Variants in RAD54L observed in about 807,000 individuals in gnomAD.
RAD54L encodes the protein RAD54 like.
In RAD54L, 74 loss-of-function variants were observed where a neutral mutation model predicts 91.6. The ratio of observed to expected loss-of-function variants is 0.81; its 90% CI spans 0.67 to 0.98. RAD54L has a LOEUF of 0.98. RAD54L is among the 50% of genes least tolerant of loss of function. The pLI is 0.00. For missense variants in RAD54L, 887 were observed against 945.7 expected, an observed-to-expected ratio of 0.94 and a Z score of 0.81; for synonymous variants, 304 against 349.7, an observed-to-expected ratio of 0.87 and a Z score of 1.46.
chr1:46,250,644 T>C (rs1557697461), intron 3 of RAD54L, among the ~76,000 whole-genome samples: 1 of 152,158 alleles, frequency 6.6e-6, no homozygotes, highest in Non-Finnish European at 1.5e-5. Flanking sequence ...GAATACATAA[T>C]GGAGATTAGT....
At position 46,274,648 on chromosome 1, in the gene RAD54L, T is replaced by C; in HGVS notation, c.1800T>C (p.Asp600=). ...MFDPDWNPAN[D]EQAMARVWRD... ...ACCCTGACTGGAACCCAGCCAATGA[T>C]GAACAAGCCATGGCCCGGGTCTGGC... The change falls in exon 16 of 18, where the codon GAT becomes GAC. Residue 600 remains aspartate, a synonymous_variant. Coordinates refer to ENST00000371975, the MANE Select transcript of RAD54L (RefSeq NM_003579.4). 1 of 1,614,120 alleles carries C rather than the reference T, an allele frequency of 6.2e-7. No homozygotes were observed. The highest frequency in any genetic ancestry group is 8.5e-7 in the Non-Finnish European group (1 of 1,180,046).
At chr1:46,274,848 G>C in intron 16 of RAD54L, 131 bp downstream of exon 16, 1 of 1,072,958 alleles carries the variant, frequency 9.3e-7, no homozygotes, top group Admixed American at 1.9e-5. Context: ...CCAGAAGTGA[G>C]TCTTTTATTC....
At chr1:46,274,409 A>C (rs1569616588) in intron 15 of RAD54L, 129 bp from the exon 16 acceptor site, 1 of 1,309,074 alleles carries the variant, frequency 7.6e-7, no homozygotes, top group Non-Finnish European at 1.1e-6. Flanking sequence ...GCTGGTGAGC[A>C]GATAAACTGG....
chr1:46,251,524 A>G lies in RAD54L; in HGVS notation c.210+1405A>G, dbSNP rs1659798421. Among the ~76,000 whole-genome samples, 3 of 152,164 alleles carry G rather than the reference A, an allele frequency of 2.0e-5. No individual in the cohort carries two copies. In the South Asian group the frequency reaches 6.2e-4, roughly 32 times the overall value. Reference sequence around the variant, plus strand: ...TTATGATAGTTTTAGCATACATATAAAAATCACTAATACAGCCTTGGCAAC... The same window carrying G: ...TTATGATAGTTTTAGCATACATATAGAAATCACTAATACAGCCTTGGCAAC... On this transcript the variant is annotated intron_variant, in intron 3 of 17. Coordinates refer to ENST00000371975, the MANE Select transcript of RAD54L (RefSeq NM_003579.4).
rs561929784 is a variant in RAD54L, at chr1:46,277,085, G to A, written c.1870-732G>A. ...GCAGGGATTACAGGCGTGAGCCACC[G>A]TGCCTGTCCCCAAGGTTCTTTAATG... On this transcript the variant is annotated intron_variant, in intron 16 of 17. Coordinates refer to ENST00000371975, the MANE Select transcript of RAD54L (RefSeq NM_003579.4). Among the ~76,000 whole-genome samples, 5 of 152,258 alleles carry A rather than the reference G, an allele frequency of 3.3e-5. No individual in the cohort carries two copies. In the South Asian group the frequency reaches 8.3e-4, roughly 25 times the overall value.
intron 9 of RAD54L, 28 bp downstream of exon 9, chr1:46,267,637 C>G: frequency 6.3e-7 from 1 of 1,580,700 alleles, no homozygotes; most frequent in Non-Finnish European, 8.7e-7. Context: ...TTTGCCACAT[C>G]AGAGAGGAGC....
At chr1:46,251,207 G>A (rs570946342) in intron 3 of RAD54L, among the ~76,000 whole-genome samples, 1 of 148,522 alleles carries the variant, frequency 6.7e-6, no homozygotes, top group African/African-American at 2.5e-5. Flanking sequence ...AGCTACTTGG[G>A]AGGCTGAGGC....
At chr1:46,261,589 T>G (rs923818930) in intron 8 of RAD54L, among the ~76,000 whole-genome samples, 2 of 152,162 alleles carry the variant, frequency 1.3e-5, no homozygotes, top group Non-Finnish European at 2.9e-5. Context: ...CTTAGAACCC[T>G]GAGGAGAGTG....
At chr1:46,255,084 A>T (rs557561642) in intron 3 of RAD54L, among the ~76,000 whole-genome samples, 1 of 152,184 alleles carries the variant, frequency 6.6e-6, no homozygotes, top group Non-Finnish European at 1.5e-5. Flanking sequence ...GCCATTCGTG[A>T]TCTTGGCCAG....
intron 4 of RAD54L, among the ~76,000 whole-genome samples, chr1:46,259,268 A>G (rs1365768751): frequency 1.3e-5 from 2 of 150,560 alleles, no homozygotes; most frequent in Non-Finnish European, 1.5e-5. Context: ...TCCCACCTCG[A>G]CCTCTCAAAA....
rs1015245125 is a variant in RAD54L, at chr1:46,263,246, G to T, written c.891+1861G>T. On this transcript the variant is annotated intron_variant, in intron 8 of 17. Coordinates refer to ENST00000371975, the MANE Select transcript of RAD54L (RefSeq NM_003579.4). This position sits in a 1 kb window ranked among gnomAD's most constrained non-coding sequence, Gnocchi z 4.3. ...TCCAGTATGTGTGAATGGCAATAGA[G>T]AGGCTAGTACTTAGGAAGCAGTGAG... Among the ~76,000 whole-genome samples, 1 of 152,204 alleles carries T rather than the reference G, an allele frequency of 6.6e-6. No individual in the cohort carries two copies. The highest frequency in any genetic ancestry group is 1.9e-4 in the East Asian group (1 of 5,196).
chr1:46,260,664 C>A, intron 6 of RAD54L, 53 bp downstream of exon 6: 1 of 1,613,370 alleles, frequency 6.2e-7, no homozygotes, highest in Non-Finnish European at 8.5e-7. Flanking sequence ...GCCTGGGAGA[C>A]TACCATCCCT....
At chr1:46,269,067 C>T (rs1660345147) in intron 9 of RAD54L, among the ~76,000 whole-genome samples, 1 of 152,130 alleles carries the variant, frequency 6.6e-6, no homozygotes, top group South Asian at 2.1e-4. Context: ...GCCTGGCTTC[C>T]ATCTTTTTCT....
chr1:46,263,147 A>G lies in RAD54L; in HGVS notation c.891+1762A>G, dbSNP rs1660177069. 1.3e-5 allele frequency among the ~76,000 whole-genome samples: 2 copies of G among 152,188 alleles called. 1 individual carries two copies. The highest frequency in any genetic ancestry group is 4.1e-4 in the South Asian group (2 of 4,832). On this transcript the variant is annotated intron_variant, in intron 8 of 17. Transcript: ENST00000371975. This position sits in a 1 kb window ranked among gnomAD's most constrained non-coding sequence, Gnocchi z 4.3. ...TAAGAAAGTCCATACACCTTGTAGT[A>G]GTAGTTTGTGTTGACTTCTTGTTTC...
At chr1:46,259,309 G>T (rs991754942) in intron 4 of RAD54L, among the ~76,000 whole-genome samples, 4 of 151,886 alleles carry the variant, frequency 2.6e-5, no homozygotes, top group African/African-American at 4.8e-5. Flanking sequence ...GAGATACTAC[G>T]CTTGGCTGTG....
rs1458819512 is a variant in RAD54L, at chr1:46,263,809, T to A, written c.891+2424T>A. Among the ~76,000 whole-genome samples the A allele has an allele frequency of 6.6e-6, 1 of 152,150 alleles. No homozygotes were observed. Among genetic ancestry groups the A allele is most frequent in the Non-Finnish European group, 1.5e-5 (1 of 68,036 alleles). ...TCTAAATTTTTTTCTACTTTTTGTT[T>A]TTTTTTGAGACAAGGGTCTTGTTCT... On this transcript the variant is annotated intron_variant, in intron 8 of 17. Coordinates refer to ENST00000371975, the MANE Select transcript of RAD54L (RefSeq NM_003579.4). This position sits in a 1 kb window ranked among gnomAD's most constrained non-coding sequence, Gnocchi z 4.3.
rs367913530 is a variant in RAD54L, at chr1:46,256,187, C to T, written c.211-2499C>T. ...TGAACTCCTAGGCCAAGTGATCTTC[C>T]TGCCTCAGCCTTCTGAGTAGCTGGG... On this transcript the variant is annotated intron_variant, in intron 3 of 17. Coordinates refer to ENST00000371975, the MANE Select transcript of RAD54L (RefSeq NM_003579.4). Among the ~76,000 whole-genome samples, 5 of 151,926 alleles carry T rather than the reference C, an allele frequency of 3.3e-5. No homozygotes were observed. The East Asian group carries it at 9.6e-4, about 29-fold the overall frequency.
intron 16 of RAD54L, chr1:46,277,582 C>G (rs1474496669): frequency 1.8e-6 from 1 of 568,314 alleles, no homozygotes; most frequent in Non-Finnish European, 3.1e-6. Context: ...GCCCTGGGAC[C>G]CTTCATTAGT....
At chr1:46,274,498 C>T in intron 15 of RAD54L, 40 bp from the exon 16 acceptor site, 3 of 1,602,490 alleles carry the variant, frequency 1.9e-6, no homozygotes, top group Non-Finnish European at 2.6e-6. Flanking sequence ...CCAGTTTAGG[C>T]TATAAGAGGT....
Sources: allele counts gnomAD v4.1 joint callset (sites outside exome capture counted in the v4.1 genomes callset), GRCh38; gene constraint gnomAD v4.1.1; non-coding constraint Gnocchi (gnomAD v3.1); transcripts MANE v1.5; gene names NCBI Gene and HGNC (gene_info 2026-07-23, HGNC 2026-07-21).